Variants in ZFHX3 observed in about 807,000 individuals in gnomAD.
ZFHX3 encodes the protein zinc finger homeobox protein 3.
Under a neutral mutation model 279.1 loss-of-function variants are expected in ZFHX3, and 42 were observed. That is an observed-to-expected ratio of 0.15 (90% CI 0.12 to 0.19). The LOEUF is 0.19. ZFHX3 is among the 10% of genes least tolerant of loss of function. The probability of loss-of-function intolerance (pLI) is 1.00; values close to 1 mark genes in which losing one functional copy is unlikely to be tolerated. For synonymous variants in ZFHX3, 2,293 were observed against 1,957.8 expected, an observed-to-expected ratio of 1.17 and a Z score of -4.52; for missense variants, 4,981 against 4,754.0, an observed-to-expected ratio of 1.05 and a Z score of -1.40.
chr16:73,132,463 A>G (rs534020065), intron 6 of ZFHX3, among the ~76,000 whole-genome samples: 255 of 152,270 alleles, frequency 1.7e-3, no homozygotes, highest in African/African-American at 5.8e-3. Context: ...TTATGATAGC[A>G]GGTTTCAGGA....
At chr16:73,286,098 T>A (rs533789907) in intron 4 of ZFHX3, among the ~76,000 whole-genome samples, 223 of 152,262 alleles carry the variant, frequency 1.5e-3, no homozygotes, top group Non-Finnish European at 2.5e-3. Context: ...ATACAAATGC[T>A]TTAGACGGGG....
chr16:73,131,737 A>T (rs1349881232), intron 6 of ZFHX3, among the ~76,000 whole-genome samples: 1 of 152,170 alleles, frequency 6.6e-6, no homozygotes, highest in Non-Finnish European at 1.5e-5. Flanking sequence ...GAGTTACGAA[A>T]AGCCACTGGA....
intron 2 of ZFHX3, among the ~76,000 whole-genome samples, chr16:73,570,233 T>C (rs1164718420): frequency 6.6e-6 from 1 of 152,178 alleles, no homozygotes; most frequent in Admixed American, 6.5e-5. Context: ...GAAAAATCCT[T>C]AGGATTCCCG....
At chr16:73,649,536 C>G (rs1178923495) in intron 2 of ZFHX3, among the ~76,000 whole-genome samples, 2 of 152,076 alleles carry the variant, frequency 1.3e-5, no homozygotes, top group African/African-American at 4.8e-5. Flanking sequence ...CTTGGTTTTG[C>G]TTATTTATAT....
At chr16:72,957,069 G>T (rs1961283825) in intron 2 of ZFHX3, among the ~76,000 whole-genome samples, 1 of 152,106 alleles carries the variant, frequency 6.6e-6, no homozygotes, top group Non-Finnish European at 1.5e-5. Flanking sequence ...GTAAGTTTCA[G>T]TAAATATTCG....
intron 2 of ZFHX3, among the ~76,000 whole-genome samples, chr16:73,459,559 G>T (rs555063351): frequency 6.6e-6 from 1 of 152,116 alleles, no homozygotes. Flanking sequence ...GTAGAGATGG[G>T]GTTTCACCAT....
intron 4 of ZFHX3, among the ~76,000 whole-genome samples, chr16:72,852,298 G>C (rs537921817): frequency 5.9e-5 from 9 of 152,040 alleles, no homozygotes; most frequent in Non-Finnish European, 1.2e-4. Flanking sequence ...GTCCAAATTC[G>C]TTTGCATTTT....
intron 1 of ZFHX3, chr16:73,809,565 AATT>A (rs1250880835): frequency 1.3e-5 from 2 of 152,146 alleles, no homozygotes; most frequent in African/African-American, 4.8e-5. Flanking sequence ...TCATCATTTA[AATT>A]ATTAACAGTG....
At chr16:73,447,711 T>G (rs1007499773) in intron 3 of ZFHX3, among the ~76,000 whole-genome samples, 2 of 151,914 alleles carry the variant, frequency 1.3e-5, no homozygotes, top group Non-Finnish European at 2.9e-5. Context: ...GAAAGAAGGG[T>G]CTCAGGTAAA....
intron 3 of ZFHX3, among the ~76,000 whole-genome samples, chr16:72,934,004 G>A (rs889411348): frequency 1.3e-5 from 2 of 152,040 alleles, no homozygotes; most frequent in African/African-American, 2.4e-5. Context: ...ATTTTTAGTA[G>A]AGATGGGGTT....
At chr16:73,560,084 C>T (rs565029422) in intron 2 of ZFHX3, among the ~76,000 whole-genome samples, 3 of 152,148 alleles carry the variant, frequency 2.0e-5, no homozygotes, top group African/African-American at 4.8e-5. Context: ...GCCTGATGAT[C>T]GGGAGCTTGT....
At chr16:73,353,586 G>A (rs1274043428) in intron 3 of ZFHX3, among the ~76,000 whole-genome samples, 1 of 152,194 alleles carries the variant, frequency 6.6e-6, no homozygotes, top group African/African-American at 2.4e-5. Flanking sequence ...AAAGAGCATG[G>A]CTGAGATCAC....
chr16:73,330,282 A>G (rs1031102624), intron 3 of ZFHX3, among the ~76,000 whole-genome samples: 4 of 152,210 alleles, frequency 2.6e-5, no homozygotes, highest in South Asian at 2.1e-4. Flanking sequence ...AGTGGCAAAT[A>G]AAGTGGATTT....
intron 5 of ZFHX3, among the ~76,000 whole-genome samples, chr16:73,220,642 C>T (rs1050768523): frequency 6.6e-6 from 1 of 152,044 alleles, no homozygotes; most frequent in African/African-American, 2.4e-5. Context: ...AGTTTTTGTG[C>T]TATACAAAGG....
rs150158720 is a variant in ZFHX3 at position 72,784,935 on chromosome 16, A to G, written c.*2229T>C. The G allele has an allele frequency of 2.1e-4, 32 of 152,676 alleles. No homozygotes were observed. The highest frequency in any genetic ancestry group is 7.5e-4 in the African/African-American group (31 of 41,582). The allele number at this position is 152,676 out of a possible 1,614,324, so 9.5% of individuals were successfully genotyped here. A position where few individuals can be genotyped will look rare whatever the true frequency, so the allele number is the denominator to read the frequency against. On this transcript the variant is annotated 3_prime_UTR_variant, in exon 10 of 10. Transcript: ENST00000268489. ...GCTAAAAAAGAAAAAAAGAAAAAAA[A>G]TCCATTTTCAGATCTTGGAATGCTC...
intron 5 of ZFHX3, among the ~76,000 whole-genome samples, chr16:73,208,338 AC>A (rs2011883078): frequency 6.6e-6 from 1 of 152,340 alleles, no homozygotes; most frequent in African/African-American, 2.4e-5. Context: ...GAAAAACAGA[AC>A]ATAAAACCAT....
chr16:73,271,373 C>A lies in ZFHX3; in HGVS notation c.-1193-14237G>T, dbSNP rs556800867. Reference sequence around the variant, plus strand: ...CTGTGGCACCCACTGGCAGGTCACACCCCCTGCTCACTCCTCCCCAGTGGC... The same window carrying A: ...CTGTGGCACCCACTGGCAGGTCACAACCCCTGCTCACTCCTCCCCAGTGGC... On this transcript the variant is annotated intron_variant, in intron 4 of 17. Transcript: ENST00000641206. 3.3e-5 allele frequency among the ~76,000 whole-genome samples: 5 copies of A among 152,336 alleles called. No individual in the cohort carries two copies. The East Asian group carries it at 9.6e-4, about 29-fold the overall frequency.
At chr16:73,729,888 G>A (rs902749988) in intron 1 of ZFHX3, among the ~76,000 whole-genome samples, 10 of 152,104 alleles carry the variant, frequency 6.6e-5, no homozygotes, top group Non-Finnish European at 1.3e-4. Context: ...CTCAGTAACC[G>A]TCTCTACCAG....
chr16:72,868,655 C>A lies in ZFHX3; in HGVS notation c.3448+21076G>T, dbSNP rs186568869. 3.3e-5 allele frequency among the ~76,000 whole-genome samples: 5 copies of A among 152,340 alleles called. No individual in the cohort carries two copies. The East Asian group carries it at 7.7e-4, about 24-fold the overall frequency. ...AACTACATCCCATGACCTTTATACA[C>A]TGGCAGATCTTCAGTTTTCAGGGTC... On this transcript the variant is annotated intron_variant, in intron 4 of 9. Transcript: ENST00000268489.
Sources: allele counts gnomAD v4.1 joint callset (sites outside exome capture counted in the v4.1 genomes callset), GRCh38; gene constraint gnomAD v4.1.1; transcripts MANE v1.5; gene names NCBI Gene and HGNC (gene_info 2026-07-23, HGNC 2026-07-21).